DICER1: variants seen among roughly 807,000 people sequenced by gnomAD.
DICER1 encodes endoribonuclease Dicer.
DICER1 carries 43 observed loss-of-function variants against 194.1 expected under a neutral mutation model. That is an observed-to-expected ratio of 0.22 (90% CI 0.17 to 0.29). DICER1 has a LOEUF of 0.29. Ranked by LOEUF, DICER1 falls within the 10% of genes least tolerant of loss-of-function variation. The pLI is 1.00. For synonymous variants in DICER1, 832 were observed against 820.5 expected, an observed-to-expected ratio of 1.01 and a Z score of -0.24; for missense variants, 1,608 against 2,317.0, an observed-to-expected ratio of 0.69 and a Z score of 6.28.
chr14:95,109,383 G>A (rs1412826845), intron 14 of DICER1, among the ~76,000 whole-genome samples: 1 of 152,164 alleles, frequency 6.6e-6, no homozygotes, highest in Non-Finnish European at 1.5e-5. Flanking sequence ...AATTAAACAG[G>A]ATGCCAGGCA....
Position 95,122,959 on chromosome 14 carries a change from C to CAAAGAAAG in DICER1, c.1376+1229_1376+1236dup, listed in dbSNP as rs33966914. 1.5e-3 allele frequency among the ~76,000 whole-genome samples: 226 copies of CAAAGAAAG among 149,408 alleles called. 2 individuals carry two copies. The highest frequency in any genetic ancestry group is 5.2e-3 in the African/African-American group (210 of 40,376). ...ACGCGCGCGCGCGCGCACACACACA[C>CAAAGAAAG]AAAGAAAGAAAAAGAAAAAAAAAAA... On this transcript the variant is annotated intron_variant, in intron 8 of 26. Transcript: ENST00000343455.
In DICER1 at chr14:95,090,677, A is replaced by C. The variant is rs1889716629; in HGVS notation, c.5604-14T>G. The stretch of plus-strand genomic sequence containing the variant: ...CTCTCAGCCGGGCTGTAAAAAATCC[A>C]AACAGCTTGAATTAGAAGTCAGAAG... On this transcript the variant is annotated splice_polypyrimidine_tract_variant and intron_variant, in intron 26 of 26. Coordinates refer to ENST00000343455, the MANE Select transcript of DICER1 (RefSeq NM_177438.3). 2.5e-6 allele frequency: 4 copies of C among 1,614,054 alleles called. No homozygotes were observed. Among genetic ancestry groups the C allele is most frequent in the Non-Finnish European group, 3.4e-6 (4 of 1,179,928 alleles).
At chr14:95,132,795 T>C in intron 2 of DICER1, 118 bp from the exon 3 acceptor site, 2 of 1,028,584 alleles carry the variant, frequency 1.9e-6, no homozygotes, top group South Asian at 2.8e-5. Context: ...CTCCAATAAA[T>C]TTACAAAAAA....
At chr14:95,143,923 T>TA (rs1894971918) in intron 1 of DICER1, among the ~76,000 whole-genome samples, 1 of 152,246 alleles carries the variant, frequency 6.6e-6, no homozygotes, top group East Asian at 1.9e-4. Flanking sequence ...AGCCCTAAAA[T>TA]ATGCTGGCCA....
chr14:95,115,917 ATC>A (rs777824421), intron 10 of DICER1, 96 bp from the exon 11 acceptor site: 83 of 1,231,316 alleles, frequency 6.7e-5, no homozygotes, highest in Middle Eastern at 2.0e-4. Context: ...TCCTGAAAAT[ATC>A]TCTCTCTCTC....
At chr14:95,153,075 G>C (rs532783761) in intron 1 of DICER1, among the ~76,000 whole-genome samples, 25 of 152,232 alleles carry the variant, frequency 1.6e-4, no homozygotes, top group African/African-American at 6.0e-4. Context: ...AAATTAGCAG[G>C]GTGTGGTGGC....
rs774777207 is a variant in DICER1 at position 95,126,573 on chromosome 14, TG to T, written c.903+6del. ...ATAATCACTATACCTACTTGGTATA[TG>T]CTTACCTGTTTCGAAATTAAAGTAG... is the stretch of plus-strand genomic sequence containing the variant. On this transcript the variant is annotated splice_donor_region_variant and intron_variant, in intron 7 of 26. Transcript: ENST00000343455. The T allele has an allele frequency of 6.8e-7, 1 of 1,475,782 alleles. No homozygotes were observed. Among genetic ancestry groups the T allele is most frequent in the Non-Finnish European group, 9.5e-7 (1 of 1,055,314 alleles). 91.4% of individuals were successfully genotyped at this position (1,475,782 alleles called of 1,614,324 possible). A position where few individuals can be genotyped will look rare whatever the true frequency, so the allele number is the denominator to read the frequency against.
chr14:95,130,043 A>AG lies in DICER1; in HGVS notation c.573+14dup. 1 of 1,611,788 alleles carries AG rather than the reference A, an allele frequency of 6.2e-7. No homozygotes were observed. The highest frequency in any genetic ancestry group is 8.5e-7 in the Non-Finnish European group (1 of 1,178,582). On this transcript the variant is annotated intron_variant, in intron 5 of 26. Coordinates refer to ENST00000343455, the MANE Select transcript of DICER1 (RefSeq NM_177438.3). ...AGTTTACCAAGAATTACTAAGACTT[A>AG]GGTCTAAAACTTACCTTCATAATTT...
chr14:95,118,397 T>C (rs982227789), intron 8 of DICER1, among the ~76,000 whole-genome samples: 3 of 152,218 alleles, frequency 2.0e-5, no homozygotes, highest in Non-Finnish European at 4.4e-5. Flanking sequence ...TGATGCTTTC[T>C]TGTCCCCAGG....
chr14:95,116,455 T>C lies in DICER1; in HGVS notation c.1750A>G (p.Lys584Glu). 2 of 1,611,348 alleles carry C rather than the reference T, an allele frequency of 1.2e-6. No individual in the cohort carries two copies. The highest frequency in any genetic ancestry group is 1.7e-6 in the Non-Finnish European group (2 of 1,179,922). Reference sequence around the variant, plus strand: ...ACATGTTAATATGTTGATCTTACCTTTTCAATAGCTTTGTAGGTTTTAAGG... The same window carrying C: ...ACATGTTAATATGTTGATCTTACCTCTTCAATAGCTTTGTAGGTTTTAAGG... ...EDLKTYKAIE[K>E]ILRNKCSKSV... The change falls in exon 10 of 27, where the codon AAG (lysine) becomes GAG (glutamate). Residue 584 changes from lysine to glutamate, a missense_variant and splice_region_variant. Physicochemically the swap from Lys to Glu is moderately conservative, Grantham distance 56. Coordinates refer to ENST00000343455, the MANE Select transcript of DICER1 (RefSeq NM_177438.3).
rs1390907504 is a variant in DICER1, at chr14:95,132,523, A to C, written c.299T>G (p.Val100Gly). The change falls in exon 3 of 27, where the codon GTC becomes GGC. Residue 100 changes from valine (V) to glycine (G), a missense_variant. By Grantham distance (109) the Val-to-Gly change is moderately radical. This residue lies in a region of DICER1 where 657 missense variants were observed against 910.1 expected (regional missense o/e 0.72). Transcript: ENST00000343455. ...SRNGKRTVFL[V>G]NSANQVAQQV... ...AAATAATTTTTTATTACCAGAGTTG[A>C]CCAAGAACACCGTCCTTTTTCCATT... The C allele has an allele frequency of 1.2e-6, 2 of 1,613,846 alleles. No homozygotes were observed. The highest frequency in any genetic ancestry group is 1.7e-6 in the Non-Finnish European group (2 of 1,179,924).
intron 1 of DICER1, among the ~76,000 whole-genome samples, chr14:95,143,135 A>G (rs1401274296): frequency 6.6e-6 from 1 of 152,212 alleles, no homozygotes; most frequent in African/African-American, 2.4e-5. Flanking sequence ...AGTATAAGCA[A>G]TACTCATGGT....
In DICER1 at chr14:95,116,469, T is replaced by C. The variant is rs769034924; in HGVS notation, c.1736A>G (p.Tyr579Cys). ...TGATCTTACCTTTTCAATAGCTTTG[T>C]AGGTTTTAAGGTCTTCTTCAAAACT... Reference protein sequence around the residue: ...IKSFEEDLKTYKAIEKILRNK... With the variant: ...IKSFEEDLKTCKAIEKILRNK... Residue 579 changes from tyrosine to cysteine, a missense_variant, in exon 10 of 27, where the codon TAC (tyrosine) becomes TGC (cysteine). Physicochemically the swap from Tyr to Cys is radical, Grantham distance 194. Transcript: ENST00000343455. 1 of 1,612,592 alleles carries C rather than the reference T, an allele frequency of 6.2e-7. No homozygotes were observed. Among genetic ancestry groups the C allele is most frequent in the Non-Finnish European group, 8.5e-7 (1 of 1,179,888 alleles).
intron 17 of DICER1, among the ~76,000 whole-genome samples, chr14:95,107,161 C>G (rs550774424): frequency 6.6e-6 from 1 of 152,068 alleles, no homozygotes; most frequent in African/African-American, 2.4e-5. Flanking sequence ...GATTACAGCA[C>G]GCATCACCAT....
intron 8 of DICER1, among the ~76,000 whole-genome samples, chr14:95,119,398 G>C (rs960895317): frequency 7.9e-5 from 12 of 152,122 alleles, no homozygotes; most frequent in African/African-American, 2.9e-4. Context: ...TGCTAATAAT[G>C]CTTAGAGAGA....
chr14:95,139,349 C>T (rs927989896), intron 1 of DICER1, among the ~76,000 whole-genome samples: 8 of 152,234 alleles, frequency 5.3e-5, no homozygotes, highest in Admixed American at 5.2e-4. Context: ...CTTACCCTTA[C>T]CTGTATTACC....
At chr14:95,139,409 T>C (rs890737826) in intron 1 of DICER1, among the ~76,000 whole-genome samples, 5 of 152,234 alleles carry the variant, frequency 3.3e-5, no homozygotes, top group Non-Finnish European at 7.3e-5. Flanking sequence ...CTGCAGGTTG[T>C]TAGAATGAAA....
At chr14:95,147,464 A>G (rs936720695) in intron 1 of DICER1, among the ~76,000 whole-genome samples, 1 of 152,172 alleles carries the variant, frequency 6.6e-6, no homozygotes, top group Non-Finnish European at 1.5e-5. Flanking sequence ...GAATGAATTA[A>G]TGAGTAAAAA....
chr14:95,121,138 T>C (rs866593613), intron 8 of DICER1, among the ~76,000 whole-genome samples: 1 of 151,894 alleles, frequency 6.6e-6, no homozygotes. Flanking sequence ...AAAACCCAAA[T>C]GGAGGGGCAT....
Sources: allele counts gnomAD v4.1 joint callset (sites outside exome capture counted in the v4.1 genomes callset), GRCh38; gene constraint gnomAD v4.1.1; regional missense constraint gnomAD v4.1.1; transcripts MANE v1.5; gene names NCBI Gene and HGNC (gene_info 2026-07-23, HGNC 2026-07-21).